The following SEPTIN9 variants were observed in gnomAD, a reference collection of about 807,000 sequenced individuals.
SEPTIN9 encodes the protein septin 9.
Under a neutral mutation model 56.6 loss-of-function variants are expected in SEPTIN9, and 13 were observed. The observed-to-expected ratio is 0.23, with a 90% confidence interval of 0.15 to 0.37. The LOEUF (loss-of-function observed/expected upper bound fraction) is 0.37, where lower values mean the gene tolerates loss of function less well. Ranked by LOEUF, SEPTIN9 falls within the 10% of genes least tolerant of loss-of-function variation. The probability of loss-of-function intolerance (pLI) is 1.00; values close to 1 mark genes in which losing one functional copy is unlikely to be tolerated. For synonymous variants in SEPTIN9, 332 were observed against 334.1 expected, an observed-to-expected ratio of 0.99 and a Z score of 0.07; for missense variants, 650 against 823.1, an observed-to-expected ratio of 0.79 and a Z score of 2.57.
chr17:77,435,037 C>T lies in SEPTIN9; in HGVS notation c.721+32334C>T, dbSNP rs1568067013. 2.0e-5 allele frequency among the ~76,000 whole-genome samples: 3 copies of T among 152,284 alleles called. No homozygotes were observed. Among genetic ancestry groups the T allele is most frequent in the Admixed American group, 1.3e-4 (2 of 15,310 alleles). On this transcript the variant is annotated intron_variant, in intron 3 of 11. Transcript: ENST00000427177. This position sits in a 1 kb window ranked among gnomAD's most constrained non-coding sequence, Gnocchi z 4.5. ...ACAAGGGCTTCCTGAGGACCCCGAG[C>T]TGTCTTAAGGGCTCTTTACCTGGAG...
intron 2 of SEPTIN9, among the ~76,000 whole-genome samples, chr17:77,397,781 C>G (rs1025525771): frequency 6.6e-6 from 1 of 152,124 alleles, no homozygotes; most frequent in Non-Finnish European, 1.5e-5. Flanking sequence ...TTCCAAGTAG[C>G]TGGGATTACA....
intron 3 of SEPTIN9, among the ~76,000 whole-genome samples, chr17:77,460,828 G>C (rs2038438839): frequency 6.6e-6 from 1 of 152,176 alleles, no homozygotes; most frequent in Admixed American, 6.5e-5. Context: ...GTTTTCCCTT[G>C]TCCCTTCTGC....
At chr17:77,398,944 C>G (rs963349928) in intron 2 of SEPTIN9, among the ~76,000 whole-genome samples, 1 of 152,054 alleles carries the variant, frequency 6.6e-6, no homozygotes, top group Non-Finnish European at 1.5e-5. Context: ...GAGGGAGGGA[C>G]CCATCCATGA....
At chr17:77,301,476 G>A (rs2032055287) in intron 1 of SEPTIN9, among the ~76,000 whole-genome samples, 1 of 151,990 alleles carries the variant, frequency 6.6e-6, no homozygotes. Context: ...CCAGGCTGGA[G>A]TGCAATGGCA....
chr17:77,321,589 C>T (rs568441723), intron 2 of SEPTIN9, among the ~76,000 whole-genome samples: 5 of 152,082 alleles, frequency 3.3e-5, no homozygotes, highest in Non-Finnish European at 4.4e-5. Context: ...GGGGTTTCAC[C>T]GTGTCAACCA....
rs756030644 is a variant in SEPTIN9 at position 77,412,129 on chromosome 17, C to CAA, written c.721+9449_721+9450dup. Among the ~76,000 whole-genome samples the CAA allele has an allele frequency of 3.3e-3, 222 of 67,340 alleles. 2 individuals are homozygous for CAA. The highest frequency in any genetic ancestry group is 5.4e-3 in the Non-Finnish European group (158 of 29,504). The allele number at this position is 67,340 out of a possible 152,430, so 44.2% of individuals were successfully genotyped here. On this transcript the variant is annotated intron_variant, in intron 3 of 11. Coordinates refer to ENST00000427177, the MANE Select transcript of SEPTIN9 (RefSeq NM_001113491.2). ...TGGGTGACAGAGCGAGACTCCCTAT[C>CAA]AAAAAAAAAAAAAAAAAAAAAAAAT...
At position 77,334,421 on chromosome 17, in the gene SEPTIN9, C is replaced by CA. The variant is rs34122443; in HGVS notation, c.76+27245dup. ...TAGGTGACAGAGCAAGACTCTGTCT[C>CA]AAAAAAAAAAAAAAAAAAAAATGTT... On this transcript the variant is annotated intron_variant, in intron 2 of 11. Transcript: ENST00000427177. Among the ~76,000 whole-genome samples the CA allele has an allele frequency of 4.6e-3, 422 of 92,174 alleles. 4 individuals are homozygous for CA. Among genetic ancestry groups the CA allele is most frequent in the South Asian group, 0.02 (55 of 2,774 alleles). The allele number at this position is 92,174 out of a possible 152,430, so 60.5% of individuals were successfully genotyped here.
In SEPTIN9 at chr17:77,453,152, TG is replaced by T. The variant is rs1348976825; in HGVS notation, c.722-28988del. ...GGTGATGGGGCCAATTCAGCTGCGG[TG>T]GGGAGGACCCACTGTGTGCGCCTGG... On this transcript the variant is annotated intron_variant, in intron 3 of 11. Coordinates refer to ENST00000427177, the MANE Select transcript of SEPTIN9 (RefSeq NM_001113491.2). The surrounding 1 kb of genome is among the most constrained non-coding windows in gnomAD (Gnocchi z 4.4). Among the ~76,000 whole-genome samples the T allele has an allele frequency of 6.6e-6, 1 of 151,830 alleles. No homozygotes were observed. Among genetic ancestry groups the T allele is most frequent in the African/African-American group, 2.4e-5 (1 of 41,310 alleles).
At chr17:77,467,798 A>T (rs957012071) in intron 3 of SEPTIN9, among the ~76,000 whole-genome samples, 2 of 152,118 alleles carry the variant, frequency 1.3e-5, no homozygotes, top group African/African-American at 4.8e-5. Flanking sequence ...GGCTGCCCCC[A>T]TGCTGGTCTG....
chr17:77,380,854 G>A (rs948749042), intron 2 of SEPTIN9, among the ~76,000 whole-genome samples: 11 of 152,224 alleles, frequency 7.2e-5, no homozygotes, highest in African/African-American at 1.7e-4. Context: ...GGAGTAGGCC[G>A]TTGTCTCGTG....
At position 77,445,526 on chromosome 17, in the gene SEPTIN9, G is replaced by T. The variant is rs570498973; in HGVS notation, c.722-36618G>T. The T allele has an allele frequency of 1.8e-5, 6 of 333,784 alleles. No individual in the cohort carries two copies. The highest frequency in any genetic ancestry group is 3.5e-5 in the Admixed American group (1 of 28,444). The allele number at this position is 333,784 out of a possible 1,614,324, so 20.7% of individuals were successfully genotyped here. ...GGGGTTGGTGCATGTGTGCACGCAC[G>T]TGTGTGTGTGTGTGCGTGCGTGCTG... On this transcript the variant is annotated intron_variant, in intron 3 of 11. Coordinates refer to ENST00000427177, the MANE Select transcript of SEPTIN9 (RefSeq NM_001113491.2). This position sits in a 1 kb window ranked among gnomAD's most constrained non-coding sequence, Gnocchi z 4.7.
At chr17:77,430,482 G>A (rs974599755) in intron 3 of SEPTIN9, among the ~76,000 whole-genome samples, 1 of 152,082 alleles carries the variant, frequency 6.6e-6, no homozygotes, top group Non-Finnish European at 1.5e-5. Flanking sequence ...GCCAGCGGCC[G>A]ATCACTGGAA....
At chr17:77,391,814 G>C (rs980749338) in intron 2 of SEPTIN9, among the ~76,000 whole-genome samples, 1 of 152,224 alleles carries the variant, frequency 6.6e-6, no homozygotes, top group African/African-American at 2.4e-5. Context: ...AGCTGGGGCT[G>C]GTTCAGCTGG....
chr17:77,372,639 G>T (rs2034757253), intron 2 of SEPTIN9, among the ~76,000 whole-genome samples: 1 of 152,260 alleles, frequency 6.6e-6, no homozygotes, highest in South Asian at 2.1e-4. Context: ...TGACAGCCGT[G>T]TTCCATCCCC....
At chr17:77,494,533 G>A (rs1462006798) in intron 10 of SEPTIN9, among the ~76,000 whole-genome samples, 1 of 152,218 alleles carries the variant, frequency 6.6e-6, no homozygotes. Flanking sequence ...TTAGTGAGTT[G>A]AGAGACTGTC....
At chr17:77,431,565 G>A (rs1457095376) in intron 3 of SEPTIN9, among the ~76,000 whole-genome samples, 6 of 152,018 alleles carry the variant, frequency 3.9e-5, no homozygotes, top group Admixed American at 3.3e-4. Context: ...AGCCAGGCAC[G>A]GTGGTTCACG....
chr17:77,319,717 C>T lies in SEPTIN9; in HGVS notation c.76+12520C>T, dbSNP rs949370602. ...GCGAGGCAGGCACGCAGGAACTGGGCTTTTTAAACCCTTAAGCCCAAGGAA... is the reference window on the plus strand; with the variant it reads ...GCGAGGCAGGCACGCAGGAACTGGGTTTTTTAAACCCTTAAGCCCAAGGAA... On this transcript the variant is annotated intron_variant, in intron 2 of 11. Transcript: ENST00000427177. This position sits in a 1 kb window ranked among gnomAD's most constrained non-coding sequence, Gnocchi z 5.3. The T allele has an allele frequency of 1.5e-5, 16 of 1,067,296 alleles. No individual in the cohort carries two copies. The South Asian group carries it at 7.1e-4, about 47-fold the overall frequency. 66.1% of individuals were successfully genotyped at this position (1,067,296 alleles called of 1,614,324 possible). A position where few individuals can be genotyped will look rare whatever the true frequency, so the allele number is the denominator to read the frequency against.
intron 2 of SEPTIN9, among the ~76,000 whole-genome samples, chr17:77,308,619 AC>A (rs1911993602): frequency 3.3e-5 from 5 of 152,354 alleles, no homozygotes; most frequent in Admixed American, 6.5e-5. Context: ...ACTTATATCT[AC>A]GTGTGGCTAG....
chr17:77,490,422 G>C (rs1321353615), intron 7 of SEPTIN9, among the ~76,000 whole-genome samples: 2 of 152,232 alleles, frequency 1.3e-5, no homozygotes, highest in Non-Finnish European at 2.9e-5. Context: ...CAAGACGGCT[G>C]CTGAGCCAAC....
Sources: gnomAD v4.1 joint callset for allele counts (sites outside exome capture counted in the v4.1 genomes callset) on GRCh38, gnomAD v4.1.1 for gene constraint, Gnocchi (gnomAD v3.1) non-coding constraint, MANE v1.5 for transcripts, NCBI Gene and HGNC (gene_info 2026-07-23, HGNC 2026-07-21) for gene names.